Variants in CABIN1 observed in about 807,000 individuals in gnomAD.
CABIN1 encodes calcineurin binding protein 1.
Under a neutral mutation model 227.7 loss-of-function variants are expected in CABIN1, and 133 were observed. The ratio of observed to expected loss-of-function variants is 0.58; its 90% CI spans 0.51 to 0.67. CABIN1 has a LOEUF of 0.67. CABIN1 is among the 30% of genes least tolerant of loss of function. CABIN1 has a pLI of 0.00. For synonymous variants in CABIN1, 1,086 were observed against 1,155.1 expected, an observed-to-expected ratio of 0.94 and a Z score of 1.21; for missense variants, 2,408 against 2,852.5, an observed-to-expected ratio of 0.84 and a Z score of 3.55.
At chr22:24,092,080 T>C (rs2041585049) in intron 24 of CABIN1, 1 of 592,248 alleles carries the variant, frequency 1.7e-6, no homozygotes, top group Non-Finnish European at 3.0e-6. Flanking sequence ...CAGAAGAAAA[T>C]TGTCTTTCCT....
intron 1 of CABIN1, among the ~76,000 whole-genome samples, chr22:24,028,760 A>AT (rs2036280345): frequency 6.6e-6 from 1 of 152,124 alleles, no homozygotes. Flanking sequence ...GTATGACTGA[A>AT]TAACAGGTGA....
chr22:24,138,551 TC>T (rs2044556355), intron 29 of CABIN1, among the ~76,000 whole-genome samples: 3 of 152,202 alleles, frequency 2.0e-5, no homozygotes, highest in Non-Finnish European at 4.4e-5. Context: ...AAGTTGATGT[TC>T]CTACAACCCC....
At chr22:24,101,968 C>T (rs1258534592) in intron 26 of CABIN1, among the ~76,000 whole-genome samples, 1 of 152,172 alleles carries the variant, frequency 6.6e-6, no homozygotes, top group African/African-American at 2.4e-5. Flanking sequence ...AGGGTAGTAG[C>T]ATGTCTCCAT....
At chr22:24,018,261 TC>T (rs2049336566) in intron 1 of CABIN1, among the ~76,000 whole-genome samples, 1 of 152,160 alleles carries the variant, frequency 6.6e-6, no homozygotes, top group South Asian at 2.1e-4. Context: ...TAATTTTTTT[TC>T]TGAGTTTTTA....
At chr22:24,055,479 C>G (rs1015753203) in intron 9 of CABIN1, among the ~76,000 whole-genome samples, 3 of 152,238 alleles carry the variant, frequency 2.0e-5, no homozygotes, top group African/African-American at 7.2e-5. Context: ...TGCTCTTAAC[C>G]ACTTGTAATG....
chr22:24,054,805 T>C (rs1601815835), intron 8 of CABIN1, 68 bp from the exon 9 acceptor site: 1 of 1,606,540 alleles, frequency 6.2e-7, no homozygotes, highest in East Asian at 2.2e-5. Flanking sequence ...AGGCAGGCCA[T>C]TTTCCACTAT....
chr22:24,123,178 G>C (rs1406849723), intron 28 of CABIN1, among the ~76,000 whole-genome samples: 1 of 152,194 alleles, frequency 6.6e-6, no homozygotes, highest in African/African-American at 2.4e-5. Context: ...GCCTTGGGCT[G>C]TCTGCACCAT....
chr22:24,076,073 A>G (rs556847456), intron 18 of CABIN1, 96 bp from the exon 19 acceptor site: 8 of 821,790 alleles, frequency 9.7e-6, no homozygotes, highest in East Asian at 7.8e-5. Flanking sequence ...TGATAAAGAC[A>G]GAAAAGCCCG....
intron 14 of CABIN1, 90 bp downstream of exon 14, chr22:24,063,236 ATGTGTGTGTGTG>A: frequency 1.8e-6 from 2 of 1,109,022 alleles, no homozygotes; most frequent in Middle Eastern, 2.8e-4. Flanking sequence ...GTGTGTGTGT[ATGTGTGTGTGTG>A]TGTGTGTGTG....
At chr22:24,164,313 G>A (rs1462108571) in intron 29 of CABIN1, 87 bp from the exon 30 acceptor site, 4 of 1,542,400 alleles carry the variant, frequency 2.6e-6, no homozygotes, top group Non-Finnish European at 3.5e-6. Context: ...TGGCACTGTG[G>A]CAGTTTCCAG....
In CABIN1 at chr22:24,067,109, G is replaced by A; in HGVS notation, c.2160G>A (p.Gly720=). The change falls in exon 16 of 37, where the codon GGG becomes GGA. Residue 720 remains glycine, a synonymous_variant. Transcript: ENST00000263119. ...HLLRPTLCTS[G]FDRAKHLEFM... ...TCCGCCCCACTTTGTGCACCAGTGG[G>A]TTTGACCGGGCCAAACACCTGGAGT... The A allele has an allele frequency of 6.2e-7, 1 of 1,614,240 alleles. No individual in the cohort carries two copies. Among genetic ancestry groups the A allele is most frequent in the South Asian group, 1.1e-5 (1 of 91,084 alleles).
At chr22:24,160,648 A>G (rs1321800771) in intron 29 of CABIN1, among the ~76,000 whole-genome samples, 1 of 152,228 alleles carries the variant, frequency 6.6e-6, no homozygotes, top group Admixed American at 6.5e-5. Flanking sequence ...CTCCAGGAGT[A>G]AGCTCCCCTG....
intron 1 of CABIN1, among the ~76,000 whole-genome samples, chr22:24,031,597 C>G (rs2036500061): frequency 6.6e-6 from 1 of 152,156 alleles, no homozygotes; most frequent in South Asian, 2.1e-4. Flanking sequence ...AGTGACTGCT[C>G]TGTAAGTGAA....
At chr22:24,154,022 A>G (rs186242184) in intron 29 of CABIN1, among the ~76,000 whole-genome samples, 4 of 151,728 alleles carry the variant, frequency 2.6e-5, no homozygotes, top group Admixed American at 6.6e-5. Flanking sequence ...TATCCACTCT[A>G]CTCTTTCTGT....
chr22:24,151,615 T>A (rs2045489227), intron 29 of CABIN1, among the ~76,000 whole-genome samples: 1 of 152,122 alleles, frequency 6.6e-6, no homozygotes, highest in Non-Finnish European at 1.5e-5. Context: ...GGGCCCAGTA[T>A]AAGCATCCTA....
intron 1 of CABIN1, 42 bp downstream of exon 1, chr22:24,011,409 G>C: frequency 6.5e-6 from 1 of 153,132 alleles, no homozygotes; most frequent in Non-Finnish European, 1.5e-5. Context: ...TGCCGGGGTG[G>C]GGGTGAGGCT....
chr22:24,035,369 C>T, intron 1 of CABIN1, 75 bp from the exon 2 acceptor site: 1 of 981,030 alleles, frequency 1.0e-6, no homozygotes, highest in Non-Finnish European at 1.6e-6. Context: ...AGGACTGGTT[C>T]CTGGTGGACC....
chr22:24,100,685 C>A (rs2042154354), intron 26 of CABIN1, among the ~76,000 whole-genome samples: 1 of 152,180 alleles, frequency 6.6e-6, no homozygotes, highest in South Asian at 2.1e-4. Context: ...GAGAAGCAGT[C>A]ACGGGGAGGT....
chr22:24,082,507 AT>A (rs1212617215), intron 19 of CABIN1, among the ~76,000 whole-genome samples: 8 of 152,196 alleles, frequency 5.3e-5, no homozygotes, highest in African/African-American at 1.4e-4. Context: ...TTGATTTCTA[AT>A]TTTATTGAAT....
Sources: gnomAD v4.1 joint callset for allele counts (sites outside exome capture counted in the v4.1 genomes callset) on GRCh38, gnomAD v4.1.1 for gene constraint, MANE v1.5 for transcripts, NCBI Gene and HGNC (gene_info 2026-07-23, HGNC 2026-07-21) for gene names.